The following BBX variants were observed in gnomAD, a reference collection of about 807,000 sequenced individuals.
BBX encodes the protein BBX high mobility group box domain containing.
In BBX, 30 loss-of-function variants were observed where a neutral mutation model predicts 100.2. The observed-to-expected ratio is 0.30, with a 90% confidence interval of 0.22 to 0.41. BBX has a LOEUF of 0.41. Among genes scored for constraint, BBX ranks in the 10% least tolerant of loss-of-function variants. The probability of loss-of-function intolerance (pLI) is 1.00; values close to 1 mark genes in which losing one functional copy is unlikely to be tolerated. For missense variants in BBX, 1,023 were observed against 1,129.8 expected (o/e 0.91, Z 1.35); for synonymous variants, 376 against 388.1 (o/e 0.97, Z 0.37).
chr3:107,632,121 G>A (rs2056586539), intron 2 of BBX, among the ~76,000 whole-genome samples: 1 of 152,200 alleles, frequency 6.6e-6, no homozygotes, highest in Admixed American at 6.5e-5. Context: ...CTGCCACTCA[G>A]GCTGGAGTGC....
At chr3:107,757,677 C>T (rs1332224055) in intron 10 of BBX, among the ~76,000 whole-genome samples, 1 of 152,132 alleles carries the variant, frequency 6.6e-6, no homozygotes, top group Non-Finnish European at 1.5e-5. Flanking sequence ...ATGGATTAAC[C>T]AGCATCTCCA....
chr3:107,754,334 A>G (rs994237276), intron 9 of BBX, among the ~76,000 whole-genome samples: 5 of 152,212 alleles, frequency 3.3e-5, no homozygotes, highest in African/African-American at 9.7e-5. Context: ...AGCATTTATC[A>G]GTGAAAATTC....
intron 3 of BBX, chr3:107,677,444 A>G (rs904641815): frequency 6.6e-6 from 1 of 152,236 alleles, no homozygotes; most frequent in South Asian, 2.1e-4. Context: ...TTGACTTAAA[A>G]TGGGGCTACA....
rs768390204 is a variant in BBX, at chr3:107,710,498, AAGG to A, written c.41_43del (p.Gly14del). 9 of 1,613,822 alleles carry A rather than the reference AAGG, an allele frequency of 5.6e-6. No individual in the cohort carries two copies. The Admixed American group carries it at 1.3e-4, about 24-fold the overall frequency. Reference sequence around the variant, plus strand: ...AATAGAAATAAGGATCATTCAGCAGAAGGAGAAGGGGTTGGAAAACGACCAAAA... The same window carrying A: ...AATAGAAATAAGGATCATTCAGCAGAAGAAGGGGTTGGAAAACGACCAAAA... On this transcript the variant is annotated inframe_deletion, in exon 4 of 18. Coordinates refer to ENST00000325805, the MANE Select transcript of BBX (RefSeq NM_001142568.3).
At chr3:107,716,545 A>G (rs2062120846) in intron 4 of BBX, 62 bp from the exon 5 acceptor site, 1 of 1,572,038 alleles carries the variant, frequency 6.4e-7, no homozygotes, top group Admixed American at 1.8e-5. Context: ...ACCAAGACTA[A>G]CTGTTAAATC....
intron 3 of BBX, among the ~76,000 whole-genome samples, chr3:107,704,601 GA>G (rs953227712): frequency 1.3e-5 from 2 of 152,192 alleles, no homozygotes; most frequent in African/African-American, 4.8e-5. Flanking sequence ...ATGAGAGTAA[GA>G]AGAGGCTAAA....
At chr3:107,603,641 G>T (rs1172306338) in intron 2 of BBX, among the ~76,000 whole-genome samples, 1 of 152,092 alleles carries the variant, frequency 6.6e-6, no homozygotes, top group East Asian at 1.9e-4. Flanking sequence ...GCCTTCCAAG[G>T]TGCTGGGATC....
At chr3:107,628,173 T>C (rs2056321723) in intron 2 of BBX, among the ~76,000 whole-genome samples, 1 of 152,096 alleles carries the variant, frequency 6.6e-6, no homozygotes, top group Non-Finnish European at 1.5e-5. Context: ...TTTAAAAAAT[T>C]ATACCAAAGA....
chr3:107,610,843 A>G (rs1240593576), intron 2 of BBX, among the ~76,000 whole-genome samples: 1 of 143,324 alleles, frequency 7.0e-6, no homozygotes, highest in African/African-American at 2.7e-5. Context: ...AGTTTAGTCC[A>G]TTTACATCAC....
At chr3:107,639,016 T>C (rs564595515) in intron 2 of BBX, among the ~76,000 whole-genome samples, 3 of 152,164 alleles carry the variant, frequency 2.0e-5, no homozygotes, top group East Asian at 3.9e-4. Context: ...TGTTATAATT[T>C]TTGATCATAA....
intron 3 of BBX, among the ~76,000 whole-genome samples, chr3:107,673,437 AT>A (rs1469306761): frequency 6.6e-6 from 1 of 152,008 alleles, no homozygotes; most frequent in Non-Finnish European, 1.5e-5. Context: ...TTTAATCTAC[AT>A]TTTTTTAAAC....
intron 3 of BBX, among the ~76,000 whole-genome samples, chr3:107,664,066 A>G (rs1045723301): frequency 1.3e-5 from 2 of 152,104 alleles, no homozygotes; most frequent in Admixed American, 6.5e-5. Flanking sequence ...CGGCCTCCCA[A>G]AATGCTGGGC....
At chr3:107,678,870 T>C (rs1174626813) in intron 3 of BBX, among the ~76,000 whole-genome samples, 1 of 152,178 alleles carries the variant, frequency 6.6e-6, no homozygotes. Flanking sequence ...TATGTGTATA[T>C]AAAAATGGCT....
At chr3:107,584,897 G>C (rs2052714305) in intron 2 of BBX, among the ~76,000 whole-genome samples, 1 of 151,784 alleles carries the variant, frequency 6.6e-6, no homozygotes, top group Admixed American at 6.6e-5. Flanking sequence ...GGCTGGGCTG[G>C]TCTCGAACTC....
intron 1 of BBX, 31 bp from the exon 2 acceptor site, chr3:107,526,296 T>G: frequency 2.5e-6 from 1 of 398,654 alleles, no homozygotes; most frequent in Non-Finnish European, 4.4e-6. Flanking sequence ...CCTACTATAC[T>G]GATGATGTAC....
At chr3:107,612,665 A>T (rs1490893799) in intron 2 of BBX, among the ~76,000 whole-genome samples, 2 of 152,164 alleles carry the variant, frequency 1.3e-5, no homozygotes, top group African/African-American at 4.8e-5. Context: ...CCTGTGGCCA[A>T]CACCACCGGA....
intron 3 of BBX, among the ~76,000 whole-genome samples, chr3:107,708,999 T>G (rs2061555604): frequency 6.6e-6 from 1 of 152,114 alleles, no homozygotes; most frequent in African/African-American, 2.4e-5. Context: ...GGCAAGCAGT[T>G]GGAGGGAGGT....
At chr3:107,565,279 A>G (rs954559851) in intron 2 of BBX, among the ~76,000 whole-genome samples, 6 of 150,990 alleles carry the variant, frequency 4.0e-5, no homozygotes, top group South Asian at 2.1e-4. Flanking sequence ...AGCCTGTTCA[A>G]TCGTTTAGTT....
At chr3:107,798,129 A>G (rs549035433) in intron 15 of BBX, among the ~76,000 whole-genome samples, 1 of 152,306 alleles carries the variant, frequency 6.6e-6, no homozygotes, top group Non-Finnish European at 1.5e-5. Flanking sequence ...CTCTGAAGAA[A>G]TTTCTTTTAC....
Sources: gnomAD v4.1 joint callset for allele counts (sites outside exome capture counted in the v4.1 genomes callset) on GRCh38, gnomAD v4.1.1 for gene constraint, MANE v1.5 for transcripts, NCBI Gene and HGNC (gene_info 2026-07-23, HGNC 2026-07-21) for gene names.